CRB1: variants seen among roughly 807,000 people sequenced by gnomAD.
The protein encoded by CRB1 is protein crumbs homolog 1.
Under a neutral mutation model 120.0 loss-of-function variants are expected in CRB1, and 83 were observed. The ratio of observed to expected loss-of-function variants is 0.69; its 90% CI spans 0.58 to 0.83. CRB1 has a LOEUF of 0.83. Among genes scored for constraint, CRB1 ranks in the 40% least tolerant of loss-of-function variants. CRB1 has a pLI of 0.00. For missense variants in CRB1, 1,699 were observed against 1,687.6 expected, an observed-to-expected ratio of 1.01 and a Z score of -0.12; for synonymous variants, 625 against 612.5, an observed-to-expected ratio of 1.02 and a Z score of -0.30.
At position 197,435,456 on chromosome 1, in the gene CRB1, A is replaced by T; in HGVS notation, c.3593A>T (p.Tyr1198Phe). The T allele has an allele frequency of 5.6e-6, 9 of 1,596,060 alleles. No homozygotes were observed. The highest frequency in any genetic ancestry group is 7.7e-6 in the Non-Finnish European group (9 of 1,170,680). Residue 1198 changes from tyrosine to phenylalanine, a missense_variant, in exon 9 of 12, where the codon TAC becomes TTC. By Grantham distance (22) the Tyr-to-Phe change is conservative. Transcript: ENST00000367400. ...AACTGCTCTGACAGAGTTGCAGCCTACCACTGCACATGTGAGCCTGGATAC... is the reference window on the plus strand; with the variant it reads ...AACTGCTCTGACAGAGTTGCAGCCTTCCACTGCACATGTGAGCCTGGATAC... The part of the protein sequence containing the change: ...HGNCSDRVAA[Y>F]HCTCEPGYTG...
At chr1:197,255,745 G>A in the CRB1 span, among the ~76,000 whole-genome samples, 1 of 151,590 alleles carries the variant, frequency 6.6e-6, no homozygotes, top group African/African-American at 2.4e-5. Context: ...TTGGATCTAG[G>A]GGTAATAAAG....
rs113278885 is a variant in CRB1, at chr1:197,331,957, G to A, written c.652+2954G>A. On this transcript the variant is annotated intron_variant, in intron 2 of 11. Transcript: ENST00000367400. ...TCGGAGGCTGAGGCCGGCAGATCACGAGGTCAGGAGATGGATACCACACTG... is the reference window on the plus strand; with the variant it reads ...TCGGAGGCTGAGGCCGGCAGATCACAAGGTCAGGAGATGGATACCACACTG... Among the ~76,000 whole-genome samples, 434 of 152,134 alleles carry A rather than the reference G, an allele frequency of 2.9e-3. 2 individuals carry two copies. Among genetic ancestry groups the A allele is most frequent in the African/African-American group, 9.6e-3 (400 of 41,514 alleles).
In CRB1 at chr1:197,435,238, T is replaced by A. The variant is rs1226422852; in HGVS notation, c.3375T>A (p.Phe1125Leu). 6.2e-7 allele frequency: 1 copy of A among 1,613,756 alleles called. No homozygotes were observed. The highest frequency in any genetic ancestry group is 8.5e-7 in the Non-Finnish European group (1 of 1,179,854). ...TTAATAAACCTCAGGAAGAGCAATT[T>A]CTCAAAATCTCTACCAATTCAGTGG... ...GFINKPQEEQ[F>L]LKISTNSVVT... The change falls in exon 9 of 12, where the codon TTT (phenylalanine) becomes TTA (leucine). Residue 1125 changes from phenylalanine to leucine, a missense_variant. Transcript: ENST00000367400.
chr1:197,223,373 T>C, the CRB1 span: 1 of 506,648 alleles, frequency 2.0e-6, no homozygotes, highest in East Asian at 3.3e-5. Context: ...ACCTCACATT[T>C]CTTCTCTATT....
chr1:197,204,916 T>A, the CRB1 span, among the ~76,000 whole-genome samples: 1 of 152,248 alleles, frequency 6.6e-6, no homozygotes, highest in Non-Finnish European at 1.5e-5. Flanking sequence ...CGTCTTAGAT[T>A]TAAGTCTTTG....
rs969229149 is a variant in CRB1 at position 197,335,117 on chromosome 1, A to C, written c.652+6114A>C. 1.2e-4 allele frequency among the ~76,000 whole-genome samples: 19 copies of C among 152,322 alleles called. No individual in the cohort carries two copies. In the South Asian group the frequency reaches 3.7e-3, roughly 30 times the overall value. On this transcript the variant is annotated intron_variant, in intron 2 of 11. Coordinates refer to ENST00000367400, the MANE Select transcript of CRB1 (RefSeq NM_201253.3). ...ATAGCATTCCAGGCAGAGGAACAGC[A>C]GATGCAAAGGCCCTGAGGTAAAGAG...
At chr1:197,353,034 A>C (rs1660195866) in intron 4 of CRB1, among the ~76,000 whole-genome samples, 1 of 152,230 alleles carries the variant, frequency 6.6e-6, no homozygotes, top group Non-Finnish European at 1.5e-5. Context: ...AAATGAACAC[A>C]GTCTCTGTTT....
intron 5 of CRB1, among the ~76,000 whole-genome samples, chr1:197,387,998 C>CTA (rs1238539122): frequency 1.8e-4 from 27 of 151,762 alleles, no homozygotes; most frequent in African/African-American, 5.8e-4. Flanking sequence ...CTCTCTCTCT[C>CTA]TCTATATATA....
intron 11 of CRB1, among the ~76,000 whole-genome samples, chr1:197,453,877 ATAT>A (rs1250004217): frequency 1.4e-5 from 2 of 141,088 alleles, no homozygotes; most frequent in Non-Finnish European, 3.0e-5. Context: ...ATTATTAATA[ATAT>A]ATATTATTAA....
At chr1:197,233,512 C>A in the CRB1 span, among the ~76,000 whole-genome samples, 1 of 152,198 alleles carries the variant, frequency 6.6e-6, no homozygotes, top group Admixed American at 6.5e-5. Context: ...CCCTCACCTT[C>A]AGCTGTTCAA....
At chr1:197,353,149 GAA>G (rs1660203042) in intron 4 of CRB1, among the ~76,000 whole-genome samples, 1 of 152,156 alleles carries the variant, frequency 6.6e-6, no homozygotes, top group South Asian at 2.1e-4. Context: ...TGGCATGAGA[GAA>G]AATAAGGGGA....
chr1:197,209,375 C>T, the CRB1 span, among the ~76,000 whole-genome samples: 21 of 152,046 alleles, frequency 1.4e-4, no homozygotes, highest in South Asian at 4.2e-3. Context: ...GATGGAGTCT[C>T]GCTCTGTTGC....
At chr1:197,220,395 A>C in the CRB1 span, among the ~76,000 whole-genome samples, 1 of 152,192 alleles carries the variant, frequency 6.6e-6, no homozygotes, top group Non-Finnish European at 1.5e-5. Context: ...TGGATTAGGC[A>C]TTCAAGACAG....
At chr1:197,342,060 C>T (rs549817269) in intron 2 of CRB1, among the ~76,000 whole-genome samples, 2 of 152,258 alleles carry the variant, frequency 1.3e-5, no homozygotes, top group South Asian at 2.1e-4. Flanking sequence ...AGAATGATGA[C>T]AGAATTTTAA....
chr1:197,288,738 T>A (rs903790590), intron 1 of CRB1, among the ~76,000 whole-genome samples: 4 of 151,486 alleles, frequency 2.6e-5, no homozygotes, highest in Non-Finnish European at 5.9e-5. Flanking sequence ...GAAGGGAAGG[T>A]TAGTGATTTG....
intron 1 of CRB1, among the ~76,000 whole-genome samples, chr1:197,296,672 A>G (rs1307836895): frequency 6.6e-6 from 1 of 152,036 alleles, no homozygotes; most frequent in East Asian, 1.9e-4. Flanking sequence ...CCACCCAAAT[A>G]TCATCTTGAA....
At position 197,460,602 on chromosome 1, in the gene CRB1, T is replaced by C. The variant is rs141170959; in HGVS notation, c.4006-17062T>C. The stretch of plus-strand genomic sequence containing the variant: ...AGTTCTAACCATCATAGTACTGTTA[T>C]TTCCACTTTACAGATGCTGAAACGA... On this transcript the variant is annotated intron_variant, in intron 11 of 11. Coordinates refer to ENST00000367400, the MANE Select transcript of CRB1 (RefSeq NM_201253.3). Among the ~76,000 whole-genome samples, 8 of 152,250 alleles carry C rather than the reference T, an allele frequency of 5.3e-5. No individual in the cohort carries two copies. The East Asian group carries it at 1.5e-3, about 29-fold the overall frequency.
intron 4 of CRB1, among the ~76,000 whole-genome samples, chr1:197,352,346 T>C (rs1157356109): frequency 6.6e-6 from 1 of 152,148 alleles, no homozygotes; most frequent in African/African-American, 2.4e-5. Flanking sequence ...ATGTTCACGA[T>C]TGGAATGAGA....
chr1:197,421,213 A>G lies in CRB1; in HGVS notation c.1385A>G (p.Asp462Gly), dbSNP rs769475443. 6.2e-7 allele frequency: 1 copy of G among 1,614,202 alleles called. No individual in the cohort carries two copies. The highest frequency in any genetic ancestry group is 1.1e-5 in the South Asian group (1 of 91,082). ...NNGTCIPHFQ[D>G]GQHGFSCLCP... The stretch of plus-strand genomic sequence containing the variant: ...GGAACATGCATCCCTCACTTCCAAG[A>G]TGGCCAGCATGGATTCAGCTGCCTA... The change falls in exon 6 of 12, where the codon GAT becomes GGT. Residue 462 changes from aspartate to glycine, a missense_variant. By Grantham distance (94) the Asp-to-Gly change is moderately conservative. Transcript: ENST00000367400.
Sources: gnomAD v4.1 joint callset for allele counts (sites outside exome capture counted in the v4.1 genomes callset) on GRCh38, gnomAD v4.1.1 for gene constraint, MANE v1.5 for transcripts, NCBI Gene and HGNC (gene_info 2026-07-23, HGNC 2026-07-21) for gene names.